Variants in SNX29 observed in about 807,000 individuals in gnomAD.
The protein encoded by SNX29 is sorting nexin-29.
SNX29 carries 78 observed loss-of-function variants against 102.1 expected under a neutral mutation model. The observed-to-expected ratio is 0.76, with a 90% CI of 0.64 to 0.92. The LOEUF is 0.92. Ranked by LOEUF, SNX29 falls within the 40% of genes least tolerant of loss-of-function variation. The probability of loss-of-function intolerance (pLI) is 0.00; values close to 1 mark genes in which losing one functional copy is unlikely to be tolerated. For synonymous variants in SNX29, 580 were observed against 414.5 expected, an observed-to-expected ratio of 1.40 and a Z score of -4.85; for missense variants, 1,280 against 1,061.7, an observed-to-expected ratio of 1.21 and a Z score of -2.86.
intron 19 of SNX29, among the ~76,000 whole-genome samples, chr16:12,499,362 G>C (rs2151888095): frequency 6.6e-6 from 1 of 152,318 alleles, no homozygotes; most frequent in Admixed American, 6.5e-5. Flanking sequence ...TAAGTTCCAG[G>C]TGACTGACGG....
At chr16:12,243,886 A>G (rs7196613) in intron 14 of SNX29, among the ~76,000 whole-genome samples, 5,388 of 152,300 alleles carry the variant, frequency 0.035, 350 homozygotes, top group African/African-American at 0.12. Flanking sequence ...GCATAAGTCC[A>G]TTCAGCATGT....
rs36212472 is a variant in SNX29 at position 12,125,605 on chromosome 16, CTTTTTTTTTTTTTTTTTTT to C, written c.1403-1010_1403-992del. On this transcript the variant is annotated intron_variant, in intron 11 of 20. Coordinates refer to ENST00000566228, the MANE Select transcript of SNX29 (RefSeq NM_032167.5). Reference sequence around the variant, plus strand: ...AGGGGGGCTTGTGGCTGAGATCTCTCTTTTTTTTTTTTTTTTTTTTTTTTTTTTTTTTTTTTGAGATGAG... The same window carrying C: ...AGGGGGGCTTGTGGCTGAGATCTCTCTTTTTTTTTTTTTTTTTGAGATGAG... Among the ~76,000 whole-genome samples the C allele has an allele frequency of 3.3e-3, 151 of 45,454 alleles. 1 individual carries two copies. Among genetic ancestry groups the C allele is most frequent in the Non-Finnish European group, 4.3e-3 (104 of 24,224 alleles). The allele number at this position is 45,454 out of a possible 152,430, so 29.8% of individuals were successfully genotyped here. A position where few individuals can be genotyped will look rare whatever the true frequency, so the allele number is the denominator to read the frequency against.
chr16:12,494,249 C>T (rs1342926944), intron 19 of SNX29, among the ~76,000 whole-genome samples: 2 of 152,108 alleles, frequency 1.3e-5, no homozygotes, highest in Non-Finnish European at 2.9e-5. Flanking sequence ...CACACTAGAC[C>T]CCACCATCTC....
chr16:12,452,545 G>C (rs1567578034), intron 18 of SNX29, among the ~76,000 whole-genome samples: 1 of 152,346 alleles, frequency 6.6e-6, no homozygotes, highest in Middle Eastern at 3.4e-3. Context: ...GGCAGGATGG[G>C]GTGAGGGGGT....
At chr16:11,986,385 A>AAG (rs2055627657) in intron 1 of SNX29, among the ~76,000 whole-genome samples, 1 of 151,530 alleles carries the variant, frequency 6.6e-6, no homozygotes, top group Non-Finnish European at 1.5e-5. Flanking sequence ...AAAAAAAAAA[A>AAG]AAAAAAGCGA....
At chr16:12,104,255 G>A (rs2053137606) in intron 11 of SNX29, among the ~76,000 whole-genome samples, 1 of 152,084 alleles carries the variant, frequency 6.6e-6, no homozygotes, top group African/African-American at 2.4e-5. Context: ...TTTGAGGTCA[G>A]CGCTTTTAAA....
intron 20 of SNX29, among the ~76,000 whole-genome samples, chr16:12,543,215 G>A (rs2077423625): frequency 6.6e-6 from 1 of 152,202 alleles, no homozygotes; most frequent in Non-Finnish European, 1.5e-5. Flanking sequence ...CGTTGCTCCT[G>A]ATAGCTGTAG....
intron 20 of SNX29, among the ~76,000 whole-genome samples, chr16:12,554,239 C>G (rs2561038): frequency 1.3e-5 from 2 of 152,206 alleles, no homozygotes; most frequent in African/African-American, 4.8e-5. Context: ...ACATCTCCCT[C>G]GGCTGCATCG....
Position 12,052,133 on chromosome 16 carries a change from C to T in SNX29, c.1035C>T (p.Ile345=), listed in dbSNP as rs1296856297. 9 of 1,613,602 alleles carry T rather than the reference C, an allele frequency of 5.6e-6. No homozygotes were observed. The highest frequency in any genetic ancestry group is 2.2e-5 in the East Asian group (1 of 44,884). Residue 345 remains isoleucine, a synonymous_variant, in exon 8 of 21, where the codon ATC becomes ATT. Transcript: ENST00000566228. The part of the protein sequence containing the change: ...FGYQKLDVKS[I]DDEDVDENED... ...ACCAGAAGCTTGATGTGAAAAGCATCGATGATGAAGATGTGGATGAAAACG... is the reference window on the plus strand; with the variant it reads ...ACCAGAAGCTTGATGTGAAAAGCATTGATGATGAAGATGTGGATGAAAACG...
rs531473835 is a variant in SNX29, at chr16:12,419,552, A to G, written c.2037+16023A>G. 3.0e-5 allele frequency among the ~76,000 whole-genome samples: 4 copies of G among 131,500 alleles called. No homozygotes were observed. In the East Asian group the frequency reaches 6.9e-4, roughly 23 times the overall value. The allele number at this position is 131,500 out of a possible 152,430, so 86.3% of individuals were successfully genotyped here. A position where few individuals can be genotyped will look rare whatever the true frequency, so the allele number is the denominator to read the frequency against. ...GCTTGAATTTTAGGGGCTTAGTGTC[A>G]TCAGACTCAGCCCCCCCCCCCATCT... On this transcript the variant is annotated intron_variant, in intron 18 of 20. Transcript: ENST00000566228.
At chr16:11,984,538 C>T (rs767391349) in intron 1 of SNX29, among the ~76,000 whole-genome samples, 12 of 152,098 alleles carry the variant, frequency 7.9e-5, no homozygotes, top group Non-Finnish European at 1.3e-4. Context: ...TACAGTCCAT[C>T]ATTCATCATT....
At position 12,116,498 on chromosome 16, in the gene SNX29, G is replaced by A. The variant is rs115495448; in HGVS notation, c.1403-10135G>A. 8.1e-3 allele frequency among the ~76,000 whole-genome samples: 1,237 copies of A among 152,158 alleles called. 16 individuals carry two copies. The highest frequency in any genetic ancestry group is 0.028 in the African/African-American group (1,177 of 41,498). ...GACCAGCCTGGCCAACATGGTGAAC[G>A]TCATCTCTACTTAAAAAATACAAAA... is the stretch of plus-strand genomic sequence containing the variant. On this transcript the variant is annotated intron_variant, in intron 11 of 20. Transcript: ENST00000566228.
chr16:12,210,298 A>G (rs1193118875), intron 14 of SNX29, among the ~76,000 whole-genome samples: 1 of 145,630 alleles, frequency 6.9e-6, no homozygotes, highest in Non-Finnish European at 1.5e-5. Context: ...CTCGTTTTGC[A>G]CTCAAGGGAC....
chr16:12,516,685 T>C (rs1206284362), intron 19 of SNX29, among the ~76,000 whole-genome samples: 3 of 152,130 alleles, frequency 2.0e-5, no homozygotes, highest in Admixed American at 2.0e-4. Context: ...TTTTACAAAA[T>C]ACCTTGATGT....
At chr16:11,994,400 G>T (rs920789790) in intron 1 of SNX29, among the ~76,000 whole-genome samples, 11 of 152,220 alleles carry the variant, frequency 7.2e-5, no homozygotes, top group Non-Finnish European at 1.5e-4. Context: ...GGAACATGGG[G>T]TTTGATCGCT....
At chr16:12,082,227 C>T (rs567301976) in intron 11 of SNX29, among the ~76,000 whole-genome samples, 75 of 152,046 alleles carry the variant, frequency 4.9e-4, no homozygotes, top group African/African-American at 1.7e-3. Flanking sequence ...TAAAGGACAG[C>T]AGCCCCGAGA....
At chr16:12,208,297 T>C (rs2077096350) in intron 14 of SNX29, among the ~76,000 whole-genome samples, 1 of 152,208 alleles carries the variant, frequency 6.6e-6, no homozygotes, top group Admixed American at 6.5e-5. Context: ...TGAGTTTTGG[T>C]GGCTGGTCGG....
intron 14 of SNX29, among the ~76,000 whole-genome samples, chr16:12,270,455 C>T (rs1234005453): frequency 1.3e-5 from 2 of 152,084 alleles, no homozygotes; most frequent in Non-Finnish European, 2.9e-5. Context: ...GCAAATTGAA[C>T]CTTCTCGACT....
At chr16:12,358,679 G>T (rs538310578) in intron 16 of SNX29, among the ~76,000 whole-genome samples, 1 of 152,228 alleles carries the variant, frequency 6.6e-6, no homozygotes, top group African/African-American at 2.4e-5. Context: ...ATACTGCACA[G>T]AGAAGCCAGG....
Sources: gnomAD v4.1 joint callset for allele counts (sites outside exome capture counted in the v4.1 genomes callset) on GRCh38, gnomAD v4.1.1 for gene constraint, MANE v1.5 for transcripts, NCBI Gene and HGNC (gene_info 2026-07-23, HGNC 2026-07-21) for gene names.